ENTREP3: variants seen among roughly 807,000 people sequenced by gnomAD.
The protein encoded by ENTREP3 is protein ENTREP3.
chr1:155,252,183 T>A, the ENTREP3 span: 1 of 391,584 alleles, frequency 2.6e-6, no homozygotes, highest in Non-Finnish European at 4.4e-6. Flanking sequence ...ATGTCCACCC[T>A]TTAGCCTCAC....
the ENTREP3 span, chr1:155,247,421 G>A: frequency 5.6e-6 from 3 of 540,154 alleles, no homozygotes; most frequent in East Asian, 4.6e-5. Flanking sequence ...ATAGGCACAC[G>A]TCACCCTGTA....
the ENTREP3 span, chr1:155,253,704 GTGAGCCCACAGACGC>G: frequency 1.2e-6 from 2 of 1,610,592 alleles, no homozygotes; most frequent in East Asian, 4.5e-5. Flanking sequence ...GGCACAAATG[GTGAGCCCACAGACGC>G]TGAAGAGCAG....
the ENTREP3 span, chr1:155,247,589 C>T: frequency 2.8e-6 from 2 of 724,562 alleles, no homozygotes; most frequent in Non-Finnish European, 5.1e-6. Flanking sequence ...CAGCACAGGA[C>T]AGAAGCTCTC....
chr1:155,251,643 C>T, the ENTREP3 span: 1 of 1,603,786 alleles, frequency 6.2e-7, no homozygotes, highest in Non-Finnish European at 8.5e-7. Context: ...GAAATAATTC[C>T]CCCTCCACAA....
At chr1:155,248,183 G>C in the ENTREP3 span, 2 of 1,611,270 alleles carry the variant, frequency 1.2e-6, no homozygotes, top group Non-Finnish European at 8.5e-7. Flanking sequence ...TGCAGGGCCC[G>C]AGGGCAGGGG....
At chr1:155,249,367 A>C in the ENTREP3 span, among the ~76,000 whole-genome samples, 1 of 151,928 alleles carries the variant, frequency 6.6e-6, no homozygotes, top group Admixed American at 6.6e-5. Flanking sequence ...CTGGGATTAC[A>C]GGTGCAAGCC....
At chr1:155,248,451 G>GAAA in the ENTREP3 span, 2 of 1,613,826 alleles carry the variant, frequency 1.2e-6, no homozygotes, top group South Asian at 2.2e-5. Context: ...CAAGCACTTT[G>GAAA]GTATAAAGGT....
At chr1:155,253,971 T>C in the ENTREP3 span, 5 of 1,612,756 alleles carry the variant, frequency 3.1e-6, no homozygotes, top group East Asian at 1.1e-4. Context: ...CACACAGACC[T>C]TTCCTTCCTG....
chr1:155,251,863 C>T, the ENTREP3 span: 1 of 1,509,176 alleles, frequency 6.6e-7, no homozygotes, highest in African/African-American at 1.4e-5. Flanking sequence ...GACGTGCAGC[C>T]CAGAGGTCCC....
the ENTREP3 span, chr1:155,247,235 T>G: frequency 3.0e-6 from 1 of 332,166 alleles, no homozygotes; most frequent in Non-Finnish European, 6.0e-6. Context: ...AAACTGAAAT[T>G]TATTGAAGGC....
the ENTREP3 span, chr1:155,251,054 G>T: frequency 6.4e-7 from 1 of 1,572,872 alleles, no homozygotes; most frequent in Non-Finnish European, 8.7e-7. Flanking sequence ...GCTATCCCTG[G>T]CAGCCCCGCC....
the ENTREP3 span, chr1:155,250,620 C>A: frequency 8.7e-6 from 14 of 1,609,706 alleles, no homozygotes; most frequent in Non-Finnish European, 1.2e-5. The surrounding 1 kb of genome is among the most constrained non-coding windows in gnomAD (Gnocchi z 5.4). Flanking sequence ...TGGCAGGGGG[C>A]TTTCCTCGAA....
chr1:155,254,685 T>G, the ENTREP3 span: 2 of 1,610,570 alleles, frequency 1.2e-6, no homozygotes, highest in Non-Finnish European at 1.7e-6. This position sits in a 1 kb window ranked among gnomAD's most constrained non-coding sequence, Gnocchi z 4.4. Flanking sequence ...CAGGACCTCT[T>G]GATGCTCTCG....
chr1:155,248,541 G>A, the ENTREP3 span: 10 of 1,413,778 alleles, frequency 7.1e-6, no homozygotes, highest in East Asian at 2.3e-4. Context: ...CCACCCTCCT[G>A]TGGGAACTCA....
At chr1:155,249,284 T>G in the ENTREP3 span, among the ~76,000 whole-genome samples, 3 of 150,184 alleles carry the variant, frequency 2.0e-5, no homozygotes, top group Non-Finnish European at 4.4e-5. Flanking sequence ...AGAGATAGGG[T>G]TTCACCATGT....
chr1:155,248,018 C>T, the ENTREP3 span: 7 of 1,613,776 alleles, frequency 4.3e-6, no homozygotes, highest in African/African-American at 9.3e-5. Flanking sequence ...CACGCTTTCC[C>T]AAACATCTTT....
the ENTREP3 span, chr1:155,248,337 T>C: frequency 1.9e-6 from 3 of 1,613,688 alleles, no homozygotes; most frequent in Non-Finnish European, 2.5e-6. Flanking sequence ...AATGGTATTG[T>C]AGGGTGGAGA....
At chr1:155,254,300 C>A in the ENTREP3 span, 439,356 of 1,515,214 alleles carry the variant, frequency 0.29, 74,100 homozygotes, top group East Asian at 0.73. This position sits in a 1 kb window ranked among gnomAD's most constrained non-coding sequence, Gnocchi z 4.4. Flanking sequence ...ACCCGGCTGG[C>A]ACCAACTGGG....
the ENTREP3 span, chr1:155,248,560 G>A: frequency 1.3e-5 from 16 of 1,215,114 alleles, no homozygotes; most frequent in Non-Finnish European, 1.8e-5. Context: ...CAAGCCCAGA[G>A]GAGCTTTCAC....
Sources: gnomAD v4.1 joint callset for allele counts (sites outside exome capture counted in the v4.1 genomes callset) on GRCh38, gnomAD v4.1.1 for gene constraint, Gnocchi (gnomAD v3.1) non-coding constraint, MANE v1.5 for transcripts, NCBI Gene and HGNC (gene_info 2026-07-23, HGNC 2026-07-21) for gene names.